Variants in KIAA1217 observed in about 807,000 individuals in gnomAD.
KIAA1217 encodes sickle tail protein homolog.
In KIAA1217, 88 loss-of-function variants were observed where a neutral mutation model predicts 163.9. That is an observed-to-expected ratio of 0.54 (90% CI 0.45 to 0.64). KIAA1217 has a LOEUF of 0.64. Ranked by LOEUF, KIAA1217 falls within the 30% of genes least tolerant of loss-of-function variation. The probability of loss-of-function intolerance (pLI) is 0.00; values close to 1 mark genes in which losing one functional copy is unlikely to be tolerated. For synonymous variants in KIAA1217, 903 were observed against 923.1 expected, an observed-to-expected ratio of 0.98 and a Z score of 0.39; for missense variants, 2,372 against 2,475.0, an observed-to-expected ratio of 0.96 and a Z score of 0.88.
intron 17 of KIAA1217, among the ~76,000 whole-genome samples, chr10:24,539,429 C>T (rs1354448758): frequency 6.6e-6 from 1 of 152,028 alleles, no homozygotes; most frequent in African/African-American, 2.4e-5. Flanking sequence ...TAGGGTTTCA[C>T]CTTGTTGGCC....
chr10:23,821,804 G>A (rs1394110501), intron 1 of KIAA1217, among the ~76,000 whole-genome samples: 1 of 152,230 alleles, frequency 6.6e-6, no homozygotes, highest in East Asian at 1.9e-4. Flanking sequence ...GGTGGCTTAA[G>A]AGTCTCATGG....
intron 1 of KIAA1217, among the ~76,000 whole-genome samples, chr10:23,965,114 G>C (rs1387578107): frequency 6.6e-6 from 1 of 152,196 alleles, no homozygotes; most frequent in East Asian, 1.9e-4. Context: ...TCTGTGATTA[G>C]GACCAACTGG....
intron 1 of KIAA1217, among the ~76,000 whole-genome samples, chr10:23,923,820 A>T (rs1174306620): frequency 6.6e-6 from 1 of 152,040 alleles, no homozygotes; most frequent in East Asian, 1.9e-4. Context: ...TTTGTTTTTT[A>T]AATTTGAGTA....
intron 2 of KIAA1217, among the ~76,000 whole-genome samples, chr10:24,121,001 G>A (rs1300770746): frequency 6.6e-6 from 1 of 152,156 alleles, no homozygotes; most frequent in African/African-American, 2.4e-5. Flanking sequence ...TGTAATGCAG[G>A]TAATAGAGGC....
chr10:24,050,941 C>T (rs534328566), intron 2 of KIAA1217, among the ~76,000 whole-genome samples: 1 of 152,046 alleles, frequency 6.6e-6, no homozygotes, highest in East Asian at 1.9e-4. Flanking sequence ...ATTTATTTCA[C>T]TTATTTTGGG....
intron 1 of KIAA1217, among the ~76,000 whole-genome samples, chr10:23,717,803 C>T (rs1009479205): frequency 6.6e-6 from 1 of 152,158 alleles, no homozygotes; most frequent in Non-Finnish European, 1.5e-5. Context: ...GATGAAAAAA[C>T]TATCAGTGAC....
At chr10:24,281,273 A>G (rs1483530285) in intron 2 of KIAA1217, among the ~76,000 whole-genome samples, 2 of 152,124 alleles carry the variant, frequency 1.3e-5, no homozygotes, top group Non-Finnish European at 2.9e-5. Flanking sequence ...TTTTTTTGCC[A>G]TCGTTTTTAC....
chr10:23,826,645 G>A (rs992771565), intron 1 of KIAA1217, among the ~76,000 whole-genome samples: 1 of 152,148 alleles, frequency 6.6e-6, no homozygotes, highest in Non-Finnish European at 1.5e-5. Context: ...AGTAGCGGAC[G>A]GCCAGGGTGT....
chr10:24,015,519 G>C (rs1847436343), intron 2 of KIAA1217, among the ~76,000 whole-genome samples: 1 of 152,038 alleles, frequency 6.6e-6, no homozygotes, highest in Non-Finnish European at 1.5e-5. Flanking sequence ...ACTTTGGGAG[G>C]CCAAGGCAGG....
At chr10:24,488,304 A>G (rs2065664240) in intron 6 of KIAA1217, among the ~76,000 whole-genome samples, 1 of 152,092 alleles carries the variant, frequency 6.6e-6, no homozygotes, top group African/African-American at 2.4e-5. Flanking sequence ...AGCACCAGGG[A>G]TGGGAGGGGA....
intron 2 of KIAA1217, among the ~76,000 whole-genome samples, chr10:24,032,719 T>C (rs1329756489): frequency 6.6e-6 from 1 of 152,212 alleles, no homozygotes. Flanking sequence ...TATTACTAAT[T>C]AGTCATAAGA....
At chr10:24,525,202 G>A (rs182726693) in intron 13 of KIAA1217, among the ~76,000 whole-genome samples, 85 of 152,270 alleles carry the variant, frequency 5.6e-4, no homozygotes, top group Non-Finnish European at 9.3e-4. Context: ...TGCTGAAGTT[G>A]GGAGAAATGT....
At chr10:24,184,653 A>G (rs1275208476) in intron 2 of KIAA1217, among the ~76,000 whole-genome samples, 5 of 152,232 alleles carry the variant, frequency 3.3e-5, no homozygotes, top group Non-Finnish European at 7.3e-5. Context: ...CAGCAGCAGG[A>G]TTCCAGCCCA....
At chr10:24,484,587 T>A (rs2065154562) in intron 6 of KIAA1217, among the ~76,000 whole-genome samples, 1 of 151,876 alleles carries the variant, frequency 6.6e-6, no homozygotes, top group Non-Finnish European at 1.5e-5. Context: ...AGAGATGTGG[T>A]CTTGCTCTGT....
chr10:24,222,573 C>T, intron 2 of KIAA1217, among the ~76,000 whole-genome samples: 1 of 152,110 alleles, frequency 6.6e-6, no homozygotes, highest in East Asian at 1.9e-4. Context: ...TGGCTCACTG[C>T]AACCTCCACT....
chr10:24,317,500 A>G (rs1276736755), intron 2 of KIAA1217, among the ~76,000 whole-genome samples: 1 of 152,184 alleles, frequency 6.6e-6, no homozygotes, highest in Non-Finnish European at 1.5e-5. Context: ...TGGGGTTGGC[A>G]ATGAGGACAA....
chr10:24,224,050 G>C (rs1475655640), intron 2 of KIAA1217, among the ~76,000 whole-genome samples: 4 of 152,224 alleles, frequency 2.6e-5, no homozygotes, highest in Non-Finnish European at 4.4e-5. Flanking sequence ...GTTTTCTTTA[G>C]TCTAAAATTA....
At chr10:24,247,127 T>TC (rs1353133126) in intron 2 of KIAA1217, among the ~76,000 whole-genome samples, 1 of 150,632 alleles carries the variant, frequency 6.6e-6, no homozygotes, top group Non-Finnish European at 1.5e-5. Context: ...TTCTTTTCTT[T>TC]TTTTTTTTTT....
At chr10:23,821,384 G>A (rs1469061974) in intron 1 of KIAA1217, among the ~76,000 whole-genome samples, 1 of 152,040 alleles carries the variant, frequency 6.6e-6, no homozygotes, top group Non-Finnish European at 1.5e-5. Context: ...GGTGGCACAG[G>A]CTGCAGCAAA....
Sources: allele counts gnomAD v4.1 joint callset (sites outside exome capture counted in the v4.1 genomes callset), GRCh38; gene constraint gnomAD v4.1.1; transcripts MANE v1.5; gene names NCBI Gene and HGNC (gene_info 2026-07-23, HGNC 2026-07-21).